Variants in DCC observed in about 807,000 individuals in gnomAD.
The protein encoded by DCC is DCC netrin 1 receptor, also known as netrin receptor DCC.
In DCC, 58 loss-of-function variants were observed where a neutral mutation model predicts 172.5. That is an observed-to-expected ratio of 0.34 (90% CI 0.27 to 0.42). The LOEUF (loss-of-function observed/expected upper bound fraction) is 0.42. Ranked by LOEUF, DCC falls within the 10% of genes least tolerant of loss-of-function variation. DCC has a pLI of 1.00. For missense variants in DCC, 1,740 were observed against 1,791.0 expected, an observed-to-expected ratio of 0.97 and a Z score of 0.51; for synonymous variants, 709 against 644.5, an observed-to-expected ratio of 1.10 and a Z score of -1.52.
chr18:52,633,127 TG>T (rs2034708715), intron 1 of DCC, among the ~76,000 whole-genome samples: 3 of 69,310 alleles, frequency 4.3e-5, no homozygotes, highest in African/African-American at 6.6e-5. Context: ...TTTCCTTTCC[TG>T]TCCTGTCCTG....
intron 1 of DCC, among the ~76,000 whole-genome samples, chr18:52,638,116 C>T (rs1001371439): frequency 6.6e-6 from 1 of 152,112 alleles, no homozygotes; most frequent in African/African-American, 2.4e-5. Flanking sequence ...CAAACAAATG[C>T]TGGGAGAATT....
At chr18:52,418,189 T>C (rs1987111871) in intron 1 of DCC, among the ~76,000 whole-genome samples, 1 of 152,218 alleles carries the variant, frequency 6.6e-6, no homozygotes, top group East Asian at 1.9e-4. Flanking sequence ...ATCACAATTC[T>C]GCAAGGTTAA....
chr18:53,481,856 G>A (rs1270228531), intron 25 of DCC, among the ~76,000 whole-genome samples: 1 of 152,134 alleles, frequency 6.6e-6, no homozygotes, highest in Non-Finnish European at 1.5e-5. Flanking sequence ...AATTTGGTGA[G>A]GGAATTTCTA....
At chr18:52,729,422 C>T (rs1255922652) in intron 1 of DCC, among the ~76,000 whole-genome samples, 2 of 152,108 alleles carry the variant, frequency 1.3e-5, no homozygotes, top group East Asian at 3.9e-4. Context: ...ACTGCACCTG[C>T]CTAATATTTG....
chr18:52,994,329 G>A (rs1035055472), intron 5 of DCC, among the ~76,000 whole-genome samples: 5 of 152,022 alleles, frequency 3.3e-5, no homozygotes, highest in Admixed American at 6.6e-5. Context: ...GGAAAGTTGG[G>A]GGTTGGGGGA....
Position 52,835,551 on chromosome 18 carries a change from C to T in DCC, c.413-70493C>T, listed in dbSNP as rs545202361. Among the ~76,000 whole-genome samples the T allele has an allele frequency of 7.2e-5, 11 of 152,266 alleles. No individual in the cohort carries two copies. In the South Asian group the frequency reaches 2.1e-3, roughly 29 times the overall value. On this transcript the variant is annotated intron_variant, in intron 2 of 28. Coordinates refer to ENST00000442544, the MANE Select transcript of DCC (RefSeq NM_005215.4). ...TTTGATTTTTGTTATATCATACGAT[C>T]CTATTTCAGGTCTATAATTTTGACC...
rs1336034052 is a variant in DCC at position 52,393,390 on chromosome 18, G to C, written c.91+52512G>C. Among the ~76,000 whole-genome samples, 3 of 152,176 alleles carry C rather than the reference G, an allele frequency of 2.0e-5. No homozygotes were observed. In the East Asian group the frequency reaches 5.8e-4, roughly 29 times the overall value. On this transcript the variant is annotated intron_variant, in intron 1 of 28. Transcript: ENST00000442544. ...TGAGTCAGTGGTTCTCACAGTGTGG[G>C]ACCAATGGGAGCTTGTAAAAATGCA...
chr18:52,980,055 A>G (rs1316837083), intron 5 of DCC, among the ~76,000 whole-genome samples: 1 of 152,152 alleles, frequency 6.6e-6, no homozygotes, highest in African/African-American at 2.4e-5. Context: ...ATTTAATTCA[A>G]TTATCTGCCC....
intron 2 of DCC, among the ~76,000 whole-genome samples, chr18:52,822,217 C>CA (rs34165989): frequency 0.11 from 17,096 of 152,014 alleles, 1,044 homozygotes; most frequent in South Asian, 0.2. Flanking sequence ...AAACTATGAG[C>CA]AAAAAAGTGT....
intron 11 of DCC, among the ~76,000 whole-genome samples, chr18:53,208,177 A>G (rs371177865): frequency 6.6e-6 from 1 of 150,384 alleles, no homozygotes; most frequent in African/African-American, 2.5e-5. Context: ...TGGGAGGCTC[A>G]TTCTGGAGGA....
At chr18:53,354,588 T>G (rs1282530611) in intron 15 of DCC, among the ~76,000 whole-genome samples, 1 of 152,214 alleles carries the variant, frequency 6.6e-6, no homozygotes, top group Non-Finnish European at 1.5e-5. Flanking sequence ...TTCATATCCT[T>G]CGCCCACTTT....
At position 53,525,048 on chromosome 18, in the gene DCC, G is replaced by A. The variant is rs146766636; in HGVS notation, c.4112-1569G>A. On this transcript the variant is annotated intron_variant, in intron 27 of 28. Coordinates refer to ENST00000442544, the MANE Select transcript of DCC (RefSeq NM_005215.4). ...CAACTCCCAGGCAACTTTTCACAGC[G>A]TGAATAGTTAGCCCTCTTTGAACAA... 4.2e-3 allele frequency among the ~76,000 whole-genome samples: 646 copies of A among 152,042 alleles called. 12 individuals are homozygous for A. The highest frequency in any genetic ancestry group is 0.03 in the Admixed American group (457 of 15,234).
intron 1 of DCC, among the ~76,000 whole-genome samples, chr18:52,668,058 C>CA (rs55673601): frequency 0.17 from 26,234 of 150,310 alleles, 2,554 homozygotes; most frequent in Admixed American, 0.28. Context: ...AAAACAACAA[C>CA]AAAAAAAAAC....
chr18:53,109,609 C>T (rs1156909003), intron 7 of DCC, among the ~76,000 whole-genome samples: 1 of 138,184 alleles, frequency 7.2e-6, no homozygotes, highest in East Asian at 2.6e-4. Flanking sequence ...TCCTTCTTTC[C>T]TTCTTTCCTT....
chr18:52,426,969 A>G (rs1987449742), intron 1 of DCC, among the ~76,000 whole-genome samples: 1 of 152,148 alleles, frequency 6.6e-6, no homozygotes, highest in Non-Finnish European at 1.5e-5. Context: ...CAATAGTTCT[A>G]TGACGTAGGT....
In DCC at chr18:52,646,566, C is replaced by A. The variant is rs560062430; in HGVS notation, c.92-105488C>A. 3.3e-5 allele frequency among the ~76,000 whole-genome samples: 5 copies of A among 152,284 alleles called. No homozygotes were observed. In the South Asian group the frequency reaches 1.0e-3, roughly 32 times the overall value. On this transcript the variant is annotated intron_variant, in intron 1 of 28. Coordinates refer to ENST00000442544, the MANE Select transcript of DCC (RefSeq NM_005215.4). ...TATCGATTGGGGGTTCCCACAACCC[C>A]TATCCTAGGTTCAATAATTTGCCAG...
chr18:52,510,051 C>A (rs2031377007), intron 1 of DCC, among the ~76,000 whole-genome samples: 1 of 151,592 alleles, frequency 6.6e-6, no homozygotes, highest in Non-Finnish European at 1.5e-5. Context: ...TTACGGTGAG[C>A]TGAGATAGCA....
At chr18:52,375,538 C>T (rs974638704) in intron 1 of DCC, among the ~76,000 whole-genome samples, 1 of 152,122 alleles carries the variant, frequency 6.6e-6, no homozygotes, top group Non-Finnish European at 1.5e-5. Flanking sequence ...TCTTGGCATG[C>T]TGCTAAGTGT....
intron 15 of DCC, among the ~76,000 whole-genome samples, chr18:53,385,191 A>C (rs996544906): frequency 3.9e-5 from 6 of 152,078 alleles, no homozygotes; most frequent in African/African-American, 1.2e-4. Context: ...TCTTTTCAAT[A>C]GACAGGGTTC....
Sources: allele counts gnomAD v4.1 joint callset (sites outside exome capture counted in the v4.1 genomes callset), GRCh38; gene constraint gnomAD v4.1.1; transcripts MANE v1.5; gene names NCBI Gene and HGNC (gene_info 2026-07-23, HGNC 2026-07-21).